The following SNTG1 variants were observed in gnomAD, a reference collection of about 807,000 sequenced individuals.
The protein encoded by SNTG1 is syntrophin gamma 1.
A neutral mutation model predicts 74.7 loss-of-function variants in SNTG1; 39 were observed. The observed-to-expected ratio is 0.52, with a 90% CI of 0.40 to 0.68. SNTG1 has a LOEUF of 0.68. SNTG1 is among the 30% of genes least tolerant of loss of function. SNTG1 has a pLI of 0.00. For synonymous variants in SNTG1, 254 were observed against 217.1 expected, an observed-to-expected ratio of 1.17 and a Z score of -1.49; for missense variants, 685 against 609.5, an observed-to-expected ratio of 1.12 and a Z score of -1.30.
At chr8:50,171,280 A>T (rs2082797537) in intron 1 of SNTG1, among the ~76,000 whole-genome samples, 1 of 152,182 alleles carries the variant, frequency 6.6e-6, no homozygotes, top group African/African-American at 2.4e-5. Flanking sequence ...TTATTAACTC[A>T]CACAATCACA....
At chr8:50,633,311 C>CTCTG (rs1305813504) in intron 13 of SNTG1, among the ~76,000 whole-genome samples, 1 of 152,142 alleles carries the variant, frequency 6.6e-6, no homozygotes, top group Non-Finnish European at 1.5e-5. Context: ...AGGCCTGGTA[C>CTCTG]TCTGAAATTG....
At chr8:49,961,997 A>G (rs979310576) in intron 1 of SNTG1, among the ~76,000 whole-genome samples, 6 of 152,228 alleles carry the variant, frequency 3.9e-5, no homozygotes, top group African/African-American at 1.4e-4. Flanking sequence ...AGCCATGTCA[A>G]TGGCAGCCGG....
chr8:50,458,199 G>GA (rs1491405620), intron 8 of SNTG1: 1 of 72,364 alleles, frequency 1.4e-5, no homozygotes, highest in African/African-American at 3.5e-5. Flanking sequence ...AGCTAAAACA[G>GA]GAAAAAAAAA....
intron 12 of SNTG1, among the ~76,000 whole-genome samples, chr8:50,553,857 A>G (rs1429656483): frequency 6.6e-6 from 1 of 152,154 alleles, no homozygotes; most frequent in Non-Finnish European, 1.5e-5. Flanking sequence ...CTGAGTATCA[A>G]TCTAGGTATC....
intron 1 of SNTG1, among the ~76,000 whole-genome samples, chr8:49,935,537 A>AG (rs1260601052): frequency 2.6e-5 from 4 of 151,524 alleles, no homozygotes; most frequent in Non-Finnish European, 4.4e-5. Flanking sequence ...AAAAAAAAAA[A>AG]AAGAAAAAGA....
At chr8:50,203,200 T>G (rs140647553) in intron 2 of SNTG1, among the ~76,000 whole-genome samples, 1 of 152,190 alleles carries the variant, frequency 6.6e-6, no homozygotes, top group Non-Finnish European at 1.5e-5. Context: ...ATCAAAGGCA[T>G]GTTTCTGTTT....
In SNTG1 at chr8:50,153,300, A is replaced by C. The variant is rs188701044; in HGVS notation, c.-102-19261A>C. 1.4e-3 allele frequency among the ~76,000 whole-genome samples: 207 copies of C among 152,114 alleles called. 2 individuals carry two copies. In the East Asian group the frequency reaches 0.027, roughly 20 times the overall value. On this transcript the variant is annotated intron_variant, in intron 1 of 18. Coordinates refer to ENST00000642720, the MANE Select transcript of SNTG1 (RefSeq NM_018967.5). ...TCTACACTGGTTATTCTAGTTAGCC[A>C]TTTGTCTATTCTTTTTTCAAGGTTT...
intron 18 of SNTG1, among the ~76,000 whole-genome samples, chr8:50,776,026 G>T (rs1379455974): frequency 6.6e-6 from 1 of 151,218 alleles, no homozygotes; most frequent in East Asian, 1.9e-4. Flanking sequence ...ATATATTTGG[G>T]TCATGTTTTT....
intron 2 of SNTG1, among the ~76,000 whole-genome samples, chr8:50,369,119 A>G (rs1419850670): frequency 1.3e-5 from 2 of 152,178 alleles, no homozygotes; most frequent in African/African-American, 2.4e-5. Flanking sequence ...TGATAAGAAC[A>G]TGGATTTGGG....
rs376114892 is a variant in SNTG1, at chr8:50,471,058, T to C, written c.363+20329T>C. 2.2e-4 allele frequency among the ~76,000 whole-genome samples: 33 copies of C among 152,132 alleles called. No homozygotes were observed. The East Asian group carries it at 3.7e-3, about 17-fold the overall frequency. On this transcript the variant is annotated intron_variant, in intron 8 of 18. Transcript: ENST00000642720. ...AGTGCTGATTGATGCATTTACAAACTTTAGCTAGACACAGAGTGCTGATTG... is the reference window on the plus strand; with the variant it reads ...AGTGCTGATTGATGCATTTACAAACCTTAGCTAGACACAGAGTGCTGATTG...
chr8:50,763,254 G>A (rs1353183916), intron 18 of SNTG1, among the ~76,000 whole-genome samples: 1 of 151,830 alleles, frequency 6.6e-6, no homozygotes, highest in Non-Finnish European at 1.5e-5. Flanking sequence ...TTGCCAGGAT[G>A]GGGTAGAAAC....
chr8:50,396,838 C>A (rs961289994), intron 3 of SNTG1, among the ~76,000 whole-genome samples: 1 of 152,106 alleles, frequency 6.6e-6, no homozygotes, highest in African/African-American at 2.4e-5. Flanking sequence ...AAAGATCCAA[C>A]CTAGGTCCTA....
intron 13 of SNTG1, among the ~76,000 whole-genome samples, chr8:50,596,775 G>A (rs1359891145): frequency 1.3e-5 from 2 of 151,996 alleles, no homozygotes; most frequent in Non-Finnish European, 2.9e-5. Context: ...TTTTATTAAT[G>A]TTTTTATATA....
At chr8:50,636,489 G>T (rs2095040044) in intron 13 of SNTG1, among the ~76,000 whole-genome samples, 1 of 152,060 alleles carries the variant, frequency 6.6e-6, no homozygotes, top group African/African-American at 2.4e-5. Context: ...CTGTGGCTAT[G>T]GCTTATCTAA....
chr8:50,248,435 A>G (rs901863306), intron 2 of SNTG1, among the ~76,000 whole-genome samples: 11 of 152,200 alleles, frequency 7.2e-5, no homozygotes, highest in African/African-American at 2.4e-4. Flanking sequence ...TTGCATTTCC[A>G]AAAGTTGATT....
At chr8:50,578,757 C>A (rs2094591364) in intron 12 of SNTG1, among the ~76,000 whole-genome samples, 1 of 152,164 alleles carries the variant, frequency 6.6e-6, no homozygotes. Flanking sequence ...GTGTTTGCTT[C>A]CCCTTTTGCC....
chr8:50,192,479 TC>T (rs1380609927), intron 2 of SNTG1, among the ~76,000 whole-genome samples: 1 of 152,144 alleles, frequency 6.6e-6, no homozygotes, highest in Non-Finnish European at 1.5e-5. Context: ...TCTATTCATA[TC>T]CTTAGCCCAC....
intron 2 of SNTG1, among the ~76,000 whole-genome samples, chr8:50,308,970 T>C (rs560607482): frequency 6.6e-6 from 1 of 152,296 alleles, no homozygotes; most frequent in African/African-American, 2.4e-5. Flanking sequence ...ATAGTTTTGA[T>C]CTACACATCA....
chr8:49,986,324 G>C (rs189365345), intron 1 of SNTG1, among the ~76,000 whole-genome samples: 19 of 152,246 alleles, frequency 1.2e-4, no homozygotes, highest in African/African-American at 4.3e-4. Context: ...GTGTTCTACA[G>C]TGTGGGTGGA....
Sources: gnomAD v4.1 joint callset for allele counts (sites outside exome capture counted in the v4.1 genomes callset) on GRCh38, gnomAD v4.1.1 for gene constraint, MANE v1.5 for transcripts, NCBI Gene and HGNC (gene_info 2026-07-23, HGNC 2026-07-21) for gene names.